FIRRM: variants seen among roughly 807,000 people sequenced by gnomAD.
FIRRM encodes the protein FIGNL1-interacting regulator of recombination and mitosis.
At chr1:169,851,992 TA>T in the FIRRM span, 4 of 1,612,434 alleles carry the variant, frequency 2.5e-6, no homozygotes, top group African/African-American at 1.3e-5. Flanking sequence ...CTGCCCTTTT[TA>T]CTTACTGACG....
chr1:169,800,849 A>G, the FIRRM span: 4 of 1,113,096 alleles, frequency 3.6e-6, no homozygotes, highest in Non-Finnish European at 5.4e-6. Context: ...CTGACATGAC[A>G]ATATTTTTAT....
At chr1:169,795,634 T>C in the FIRRM span, 7 of 993,704 alleles carry the variant, frequency 7.0e-6, no homozygotes, top group Admixed American at 4.1e-4. Flanking sequence ...CTCTGAGCTT[T>C]TGTCTCCCGT....
the FIRRM span, among the ~76,000 whole-genome samples, chr1:169,784,306 G>T: frequency 6.6e-6 from 1 of 152,066 alleles, no homozygotes; most frequent in Non-Finnish European, 1.5e-5. Flanking sequence ...TTTCTTGATT[G>T]TCTCTACCAC....
the FIRRM span, chr1:169,792,502 T>C: frequency 2.0e-5 from 26 of 1,301,922 alleles, no homozygotes; most frequent in Non-Finnish European, 2.4e-5. Flanking sequence ...GAAAAAATAA[T>C]AGCAAAACAG....
At chr1:169,801,687 A>G in the FIRRM span, among the ~76,000 whole-genome samples, 4 of 151,658 alleles carry the variant, frequency 2.6e-5, no homozygotes, top group Admixed American at 6.6e-5. Context: ...ACATTATTAC[A>G]TTTTAGATAT....
At chr1:169,846,596 G>A in the FIRRM span, among the ~76,000 whole-genome samples, 1 of 152,144 alleles carries the variant, frequency 6.6e-6, no homozygotes, top group African/African-American at 2.4e-5. Flanking sequence ...GTGCTTTTGT[G>A]TTACGGAGAT....
chr1:169,838,475 T>A, the FIRRM span, among the ~76,000 whole-genome samples: 1 of 152,024 alleles, frequency 6.6e-6, no homozygotes, highest in Non-Finnish European at 1.5e-5. Context: ...TTATTTTAAA[T>A]TTTTTCAACT....
chr1:169,832,915 T>G, the FIRRM span, among the ~76,000 whole-genome samples: 1 of 152,160 alleles, frequency 6.6e-6, no homozygotes, highest in Non-Finnish European at 1.5e-5. Context: ...TGCCTCCATT[T>G]ATTTTAAATT....
At chr1:169,849,375 A>G in the FIRRM span, 1 of 659,380 alleles carries the variant, frequency 1.5e-6, no homozygotes, top group South Asian at 2.0e-5. Context: ...AATATGTTTT[A>G]GTGTGTGTCC....
At chr1:169,853,211 A>T in the FIRRM span, 3 of 556,478 alleles carry the variant, frequency 5.4e-6, no homozygotes, top group Non-Finnish European at 3.2e-6. Context: ...TCCACAAAGA[A>T]CCATTTACTC....
chr1:169,836,446 A>G, the FIRRM span, among the ~76,000 whole-genome samples: 3 of 152,304 alleles, frequency 2.0e-5, no homozygotes, highest in South Asian at 2.1e-4. Flanking sequence ...TGTCTAAAGT[A>G]GGACAGAACC....
At chr1:169,832,316 C>T in the FIRRM span, 3 of 730,792 alleles carry the variant, frequency 4.1e-6, no homozygotes, top group Admixed American at 2.0e-5. Context: ...ATCTTTTCCC[C>T]TAGAAAGAGC....
the FIRRM span, among the ~76,000 whole-genome samples, chr1:169,838,944 C>T: frequency 6.6e-6 from 1 of 152,148 alleles, no homozygotes; most frequent in African/African-American, 2.4e-5. Flanking sequence ...TCCTCCCTCC[C>T]CCTACTAGTC....
the FIRRM span, among the ~76,000 whole-genome samples, chr1:169,831,965 C>G: frequency 6.6e-6 from 1 of 152,144 alleles, no homozygotes; most frequent in Admixed American, 6.6e-5. Context: ...TGCTGTGTTG[C>G]CCAGGCTAGT....
At chr1:169,823,584 G>C in the FIRRM span, 1 of 599,482 alleles carries the variant, frequency 1.7e-6, no homozygotes, top group East Asian at 3.1e-5. Context: ...TAATGTTTTA[G>C]TAATTTTTAT....
chr1:169,832,721 AG>A, the FIRRM span, among the ~76,000 whole-genome samples: 1 of 151,844 alleles, frequency 6.6e-6, no homozygotes, highest in Admixed American at 6.6e-5. Flanking sequence ...CTCCCACCTC[AG>A]CCTCCTGAGT....
At chr1:169,842,435 T>C in the FIRRM span, 4 of 1,613,984 alleles carry the variant, frequency 2.5e-6, no homozygotes, top group Non-Finnish European at 3.4e-6. Context: ...ACTGTCTGCT[T>C]TGCTTGCAGT....
chr1:169,846,019 G>A, the FIRRM span, among the ~76,000 whole-genome samples: 1 of 152,166 alleles, frequency 6.6e-6, no homozygotes, highest in Non-Finnish European at 1.5e-5. Flanking sequence ...AGTAAGACTT[G>A]AAAGTCACAA....
At chr1:169,796,838 C>T in the FIRRM span, among the ~76,000 whole-genome samples, 1 of 152,192 alleles carries the variant, frequency 6.6e-6, no homozygotes, top group African/African-American at 2.4e-5. Context: ...TCTTTTTGCT[C>T]AGCCTGATTT....
Sources: allele counts gnomAD v4.1 joint callset (sites outside exome capture counted in the v4.1 genomes callset), GRCh38; gene constraint gnomAD v4.1.1; transcripts MANE v1.5; gene names NCBI Gene and HGNC (gene_info 2026-07-23, HGNC 2026-07-21).